SEMA5A: variants seen among roughly 807,000 people sequenced by gnomAD.
The protein encoded by SEMA5A is semaphorin 5A.
A neutral mutation model predicts 135.5 loss-of-function variants in SEMA5A; 55 were observed. The observed-to-expected ratio is 0.41, with a 90% CI of 0.33 to 0.51. The LOEUF is 0.51. Among genes scored for constraint, SEMA5A ranks in the 20% least tolerant of loss-of-function variants. The pLI, the probability that SEMA5A is intolerant of heterozygous loss-of-function variation, is 0.37. For synonymous variants in SEMA5A, 580 were observed against 546.5 expected, an observed-to-expected ratio of 1.06 and a Z score of -0.85; for missense variants, 1,290 against 1,419.9, an observed-to-expected ratio of 0.91 and a Z score of 1.47.
At chr5:9,280,709 A>T in intron 5 of SEMA5A, 2 of 247,148 alleles carry the variant, frequency 8.1e-6, no homozygotes, top group Middle Eastern at 8.7e-4. Context: ...TGAAAAACCA[A>T]CCAAAATTTT....
intron 1 of SEMA5A, among the ~76,000 whole-genome samples, chr5:9,442,807 T>C (rs190904470): frequency 6.6e-6 from 1 of 152,306 alleles, no homozygotes; most frequent in African/African-American, 2.4e-5. Flanking sequence ...AAAGAATCAC[T>C]TATATAGAAA....
intron 5 of SEMA5A, among the ~76,000 whole-genome samples, chr5:9,304,331 G>T (rs947705367): frequency 2.0e-5 from 3 of 151,778 alleles, no homozygotes; most frequent in African/African-American, 4.8e-5. Flanking sequence ...CTTCTAATTT[G>T]TTCCTTAATA....
chr5:9,387,178 G>A (rs1164100092), intron 2 of SEMA5A, among the ~76,000 whole-genome samples: 8 of 152,090 alleles, frequency 5.3e-5, no homozygotes, highest in African/African-American at 1.9e-4. Context: ...ACATACTTAT[G>A]GCCACAAGGT....
intron 5 of SEMA5A, among the ~76,000 whole-genome samples, chr5:9,311,818 G>A (rs1214399848): frequency 2.0e-5 from 3 of 152,058 alleles, no homozygotes; most frequent in African/African-American, 4.8e-5. Flanking sequence ...ATTCTCTACC[G>A]ATATTGATCA....
chr5:9,342,546 A>T (rs1753697077), intron 3 of SEMA5A, among the ~76,000 whole-genome samples: 1 of 152,210 alleles, frequency 6.6e-6, no homozygotes, highest in Non-Finnish European at 1.5e-5. Context: ...ACGGTGGGTA[A>T]AGATTGTTGA....
chr5:9,299,179 G>A (rs1340897070), intron 5 of SEMA5A, among the ~76,000 whole-genome samples: 1 of 152,108 alleles, frequency 6.6e-6, no homozygotes, highest in African/African-American at 2.4e-5. Flanking sequence ...GAGCTGAAAG[G>A]GCCCTTAGAG....
At chr5:9,051,467 T>G (rs908209061) in intron 20 of SEMA5A, among the ~76,000 whole-genome samples, 4 of 152,224 alleles carry the variant, frequency 2.6e-5, no homozygotes, top group African/African-American at 9.7e-5. Context: ...TTCTCAAGTA[T>G]ATTAAAGATA....
chr5:9,486,240 G>T (rs183016777), intron 1 of SEMA5A, among the ~76,000 whole-genome samples: 4 of 152,232 alleles, frequency 2.6e-5, no homozygotes, highest in Admixed American at 2.6e-4. Flanking sequence ...TGGACACAGG[G>T]AGGGGGAACA....
At chr5:9,481,921 G>T (rs1019439765) in intron 1 of SEMA5A, among the ~76,000 whole-genome samples, 2 of 152,120 alleles carry the variant, frequency 1.3e-5, no homozygotes, top group Non-Finnish European at 2.9e-5. Context: ...TGGAGACCTG[G>T]GATCAGTCAG....
chr5:9,083,443 T>C lies in SEMA5A; in HGVS notation c.2074-16797A>G, dbSNP rs754432337. ...CTGCATGAATATTTCCTGCCAGAAC[T>C]TATGGATAATGACCTAAGTACCATA... On this transcript the variant is annotated intron_variant, in intron 16 of 22. Transcript: ENST00000382496. 6.6e-5 allele frequency among the ~76,000 whole-genome samples: 10 copies of C among 152,234 alleles called. No homozygotes were observed. In the South Asian group the frequency reaches 2.1e-3, roughly 31 times the overall value.
At chr5:9,489,034 A>C (rs1204746479) in intron 1 of SEMA5A, among the ~76,000 whole-genome samples, 1 of 152,152 alleles carries the variant, frequency 6.6e-6, no homozygotes, top group Non-Finnish European at 1.5e-5. Context: ...CATTTTCATG[A>C]GTATCAGGCC....
intron 11 of SEMA5A, among the ~76,000 whole-genome samples, chr5:9,171,289 T>C (rs2150307983): frequency 6.6e-6 from 1 of 152,166 alleles, no homozygotes; most frequent in South Asian, 2.1e-4. Flanking sequence ...GCCCAAGGAT[T>C]GGTAACAGAA....
chr5:9,426,439 A>ATAACATAACATAAC (rs1561243591), intron 2 of SEMA5A, among the ~76,000 whole-genome samples: 1 of 141,616 alleles, frequency 7.1e-6, no homozygotes, highest in African/African-American at 2.6e-5. Context: ...AAATAAATAA[A>ATAACATAACATAAC]ATAAAATAAA....
At chr5:9,458,100 G>GA (rs2126722076) in intron 1 of SEMA5A, among the ~76,000 whole-genome samples, 1 of 151,980 alleles carries the variant, frequency 6.6e-6, no homozygotes, top group African/African-American at 2.4e-5. Context: ...GTAGAGACGG[G>GA]ATCTCACCGT....
At chr5:9,375,411 T>C (rs1043862738) in intron 3 of SEMA5A, among the ~76,000 whole-genome samples, 4 of 151,812 alleles carry the variant, frequency 2.6e-5, no homozygotes, top group Middle Eastern at 3.2e-3. Flanking sequence ...GACTACAGAC[T>C]AAGAGACTGG....
intron 16 of SEMA5A, among the ~76,000 whole-genome samples, chr5:9,107,499 G>A (rs1270005228): frequency 6.6e-6 from 1 of 152,052 alleles, no homozygotes; most frequent in East Asian, 1.9e-4. Flanking sequence ...CTTGGTGTAG[G>A]CCTGATATGG....
chr5:9,235,534 T>C (rs541105018), intron 6 of SEMA5A, among the ~76,000 whole-genome samples: 3 of 150,342 alleles, frequency 2.0e-5, no homozygotes, highest in African/African-American at 7.2e-5. Flanking sequence ...CAGTGGAACA[T>C]CTTTAAACGC....
intron 1 of SEMA5A, among the ~76,000 whole-genome samples, chr5:9,480,869 C>T (rs144054164): frequency 6.6e-6 from 1 of 152,194 alleles, no homozygotes; most frequent in Non-Finnish European, 1.5e-5. Context: ...CATAGATATG[C>T]TCAGTTTATT....
chr5:9,448,231 C>T (rs1378462194), intron 1 of SEMA5A, among the ~76,000 whole-genome samples: 1 of 152,186 alleles, frequency 6.6e-6, no homozygotes, highest in Non-Finnish European at 1.5e-5. Context: ...CATGAATAAT[C>T]TCAGGAAAGT....
Sources: allele counts gnomAD v4.1 joint callset (sites outside exome capture counted in the v4.1 genomes callset), GRCh38; gene constraint gnomAD v4.1.1; transcripts MANE v1.5; gene names NCBI Gene and HGNC (gene_info 2026-07-23, HGNC 2026-07-21).